The following MCF2L2 variants were observed in gnomAD, a reference collection of about 807,000 sequenced individuals.
MCF2L2 encodes probable guanine nucleotide exchange factor MCF2L2.
MCF2L2 carries 102 observed loss-of-function variants against 150.2 expected under a neutral mutation model. The ratio of observed to expected loss-of-function variants is 0.68; its 90% CI spans 0.58 to 0.80. MCF2L2 has a LOEUF of 0.80. Ranked by LOEUF, MCF2L2 falls within the 30% of genes least tolerant of loss-of-function variation. The pLI is 0.00. For missense variants in MCF2L2, 1,256 were observed against 1,372.8 expected (o/e 0.91, Z 1.34); for synonymous variants, 465 against 491.3 (o/e 0.95, Z 0.71).
At chr3:183,393,113 C>A (rs538755654) in intron 1 of MCF2L2, among the ~76,000 whole-genome samples, 1 of 152,264 alleles carries the variant, frequency 6.6e-6, no homozygotes, top group African/African-American at 2.4e-5. Flanking sequence ...ACACACCTGC[C>A]CTGGCCTCAC....
At chr3:183,190,643 A>C (rs1054853891) in intron 27 of MCF2L2, among the ~76,000 whole-genome samples, 7 of 152,214 alleles carry the variant, frequency 4.6e-5, no homozygotes, top group African/African-American at 1.7e-4. Context: ...TCAGTAAGCC[A>C]TTGGTGGGCC....
In MCF2L2 at chr3:183,219,907, C is replaced by A. The variant is rs369196099; in HGVS notation, c.2319G>T (p.Glu773Asp). 4 of 1,613,382 alleles carry A rather than the reference C, an allele frequency of 2.5e-6. No homozygotes were observed. Among genetic ancestry groups the A allele is most frequent in the Non-Finnish European group, 2.5e-6 (3 of 1,179,446 alleles). The change falls in exon 21 of 30, where the codon GAG becomes GAT. Residue 773 changes from glutamate to aspartate, a missense_variant. Coordinates refer to ENST00000328913, the MANE Select transcript of MCF2L2 (RefSeq NM_015078.4). ...QMLLKGLLDF[E>D]SPEDMEIDPG... ...GGTCTATCTCCATATCTTCAGGAGA[C>A]TCGAAATCCAGCAGACCCTGCATTA...
chr3:183,425,821 G>A (rs1022461364), intron 1 of MCF2L2, among the ~76,000 whole-genome samples: 4 of 152,152 alleles, frequency 2.6e-5, no homozygotes, highest in African/African-American at 9.7e-5. Flanking sequence ...CGGGCGTGGT[G>A]GCACATGCCT....
At chr3:183,423,646 T>G (rs533289261) in intron 1 of MCF2L2, among the ~76,000 whole-genome samples, 21 of 145,532 alleles carry the variant, frequency 1.4e-4, no homozygotes, top group East Asian at 1.4e-3. Context: ...TTTTTTTTTT[T>G]TTTTTTTTTT....
At position 183,228,282 on chromosome 3, in the gene MCF2L2, G is replaced by C. The variant is rs758987838; in HGVS notation, c.2115+15C>G. ...CTGACTTTAACATGATTATTTACTGGGAGTACAGACTTACTCTCTTGAGAA... is the reference window on the plus strand; with the variant it reads ...CTGACTTTAACATGATTATTTACTGCGAGTACAGACTTACTCTCTTGAGAA... On this transcript the variant is annotated intron_variant, in intron 18 of 29. Transcript: ENST00000328913. 35 of 1,597,952 alleles carry C rather than the reference G, an allele frequency of 2.2e-5. No individual in the cohort carries two copies. The East Asian group carries it at 6.9e-4, about 32-fold the overall frequency.
At chr3:183,226,811 A>G (rs150682432) in intron 18 of MCF2L2, 3 of 152,364 alleles carry the variant, frequency 2.0e-5, no homozygotes, top group Non-Finnish European at 4.4e-5. Flanking sequence ...CAAAAATTCA[A>G]AATAGTATAT....
At chr3:183,402,862 CAAAA>C (rs141934165) in intron 1 of MCF2L2, among the ~76,000 whole-genome samples, 6 of 148,086 alleles carry the variant, frequency 4.1e-5, no homozygotes, top group South Asian at 4.3e-4. Context: ...ATATCATAGA[CAAAA>C]AATATATATA....
intron 25 of MCF2L2, among the ~76,000 whole-genome samples, chr3:183,198,869 A>C (rs543512153): frequency 1.1e-4 from 17 of 152,282 alleles, no homozygotes; most frequent in Admixed American, 5.2e-4. Flanking sequence ...TTTCTACTAG[A>C]GTTGCCATAT....
intron 1 of MCF2L2, among the ~76,000 whole-genome samples, chr3:183,406,090 G>A (rs1420396181): frequency 6.6e-6 from 1 of 152,168 alleles, no homozygotes; most frequent in African/African-American, 2.4e-5. Context: ...GAGTGACCGT[G>A]AGTTTTCATT....
At chr3:183,417,585 C>T (rs138006516) in intron 1 of MCF2L2, among the ~76,000 whole-genome samples, 77 of 152,302 alleles carry the variant, frequency 5.1e-4, no homozygotes, top group African/African-American at 1.7e-3. Flanking sequence ...TTGCTTTCAG[C>T]CTGAATAACT....
At chr3:183,321,180 G>T (rs1729794605) in intron 6 of MCF2L2, among the ~76,000 whole-genome samples, 1 of 152,240 alleles carries the variant, frequency 6.6e-6, no homozygotes, top group Admixed American at 6.5e-5. Flanking sequence ...GCTCATGCCT[G>T]TAATCCCAGC....
intron 25 of MCF2L2, among the ~76,000 whole-genome samples, chr3:183,199,948 C>T (rs1247969627): frequency 1.3e-5 from 2 of 152,196 alleles, no homozygotes; most frequent in East Asian, 3.8e-4. Context: ...CTACAAAGGA[C>T]ATGAACTCAT....
rs542045553 is a variant in MCF2L2 at position 183,376,659 on chromosome 3, A to G, written c.275+2638T>C. ...GGCTGGGTCCAAGAGTTAAATCGAC[A>G]AAACACAGATTAACATGAGAAAAGC... On this transcript the variant is annotated intron_variant, in intron 3 of 29. Coordinates refer to ENST00000328913, the MANE Select transcript of MCF2L2 (RefSeq NM_015078.4). 7 of 152,394 alleles carry G rather than the reference A, an allele frequency of 4.6e-5. 2 individuals are homozygous for G. Among genetic ancestry groups the G allele is most frequent in the African/African-American group, 1.7e-4 (7 of 41,592 alleles). 9.4% of individuals were successfully genotyped at this position (152,394 alleles called of 1,614,324 possible). A position where few individuals can be genotyped will look rare whatever the true frequency, so the allele number is the denominator to read the frequency against.
At chr3:183,293,828 A>G (rs115855871) in intron 13 of MCF2L2, among the ~76,000 whole-genome samples, 3,156 of 152,100 alleles carry the variant, frequency 0.021, 64 homozygotes, top group East Asian at 0.051. Flanking sequence ...ATCTATTCCT[A>G]TTCTTAATTA....
At chr3:183,239,586 C>T (rs1489087954) in intron 15 of MCF2L2, among the ~76,000 whole-genome samples, 6 of 149,486 alleles carry the variant, frequency 4.0e-5, no homozygotes, top group Non-Finnish European at 8.9e-5. Context: ...ACCCCCCCTT[C>T]CCCGCCTCCC....
Position 183,243,993 on chromosome 3 carries a change from G to A in MCF2L2, c.1863-12976C>T, listed in dbSNP as rs554771460. ...CAAAAAATTAGCCAGGCATGGTGGC[G>A]GGCACCTGTAGTCCCAGCTACTCGG... is the stretch of plus-strand genomic sequence containing the variant. On this transcript the variant is annotated intron_variant, in intron 15 of 29. Transcript: ENST00000328913. 1.3e-4 allele frequency among the ~76,000 whole-genome samples: 20 copies of A among 152,056 alleles called. No homozygotes were observed. The South Asian group carries it at 2.3e-3, about 17-fold the overall frequency.
intron 25 of MCF2L2, among the ~76,000 whole-genome samples, chr3:183,204,988 G>A (rs1194121929): frequency 6.6e-6 from 1 of 152,236 alleles, no homozygotes; most frequent in African/African-American, 2.4e-5. Context: ...GTAAAGGTGA[G>A]AGATGGAGAA....
intron 15 of MCF2L2, among the ~76,000 whole-genome samples, chr3:183,262,434 CTG>C (rs770632735): frequency 6.6e-5 from 10 of 152,066 alleles, no homozygotes; most frequent in Non-Finnish European, 1.3e-4. Context: ...ATTTTGTTCA[CTG>C]TGGATTTTTT....
intron 15 of MCF2L2, among the ~76,000 whole-genome samples, chr3:183,246,272 C>A (rs1724250148): frequency 6.6e-6 from 1 of 152,038 alleles, no homozygotes; most frequent in Non-Finnish European, 1.5e-5. Flanking sequence ...TGTTGTGTAA[C>A]CATCACCACT....
Sources: allele counts gnomAD v4.1 joint callset (sites outside exome capture counted in the v4.1 genomes callset), GRCh38; gene constraint gnomAD v4.1.1; transcripts MANE v1.5; gene names NCBI Gene and HGNC (gene_info 2026-07-23, HGNC 2026-07-21).